The following DOCK5 variants were observed in gnomAD, a reference collection of about 807,000 sequenced individuals.
DOCK5 encodes the protein dedicator of cytokinesis 5.
Under a neutral mutation model 251.8 loss-of-function variants are expected in DOCK5, and 142 were observed. That is an observed-to-expected ratio of 0.56 (90% CI 0.49 to 0.65). The LOEUF is 0.65. Ranked by LOEUF, DOCK5 falls within the 30% of genes least tolerant of loss-of-function variation. The probability of loss-of-function intolerance (pLI) is 0.00; values close to 1 mark genes in which losing one functional copy is unlikely to be tolerated. For missense variants in DOCK5, 2,111 were observed against 2,312.3 expected, an observed-to-expected ratio of 0.91 and a Z score of 1.79; for synonymous variants, 842 against 835.5, an observed-to-expected ratio of 1.01 and a Z score of -0.13.
chr8:25,334,261 TG>T, intron 21 of DOCK5, 65 bp downstream of exon 21: 1 of 1,352,782 alleles, frequency 7.4e-7, no homozygotes, highest in Non-Finnish European at 1.1e-6. Flanking sequence ...AGGACTGGAT[TG>T]TTGAGAAACG....
rs1305378066 is a variant in DOCK5 at position 25,243,662 on chromosome 8, T to C, written c.44-12T>C. ...TGCATTCTAATTTCCCTTTTTTATT[T>C]CTCATTTCCAGCGATCTATAACTAC... On this transcript the variant is annotated splice_polypyrimidine_tract_variant and intron_variant, in intron 1 of 51. Coordinates refer to ENST00000276440, the MANE Select transcript of DOCK5 (RefSeq NM_024940.8). 1.9e-6 allele frequency: 3 copies of C among 1,611,512 alleles called. No individual in the cohort carries two copies. The highest frequency in any genetic ancestry group is 2.5e-6 in the Non-Finnish European group (3 of 1,178,762).
chr8:25,184,897 G>A lies in DOCK5; in HGVS notation c.-12G>A. 1 of 1,403,770 alleles carries A rather than the reference G, an allele frequency of 7.1e-7. No individual in the cohort carries two copies. The allele number at this position is 1,403,770 out of a possible 1,614,324, so 87.0% of individuals were successfully genotyped here. ...GCCTTAGTCGCCGCCGCCGCGGGGC[G>A]AGGTCGCCGCCATGGCCCGCTGGAT... is the stretch of plus-strand genomic sequence containing the variant. On this transcript the variant is annotated 5_prime_UTR_variant, in exon 1 of 52. Transcript: ENST00000276440.
At chr8:25,244,823 T>G (rs1296535042) in intron 2 of DOCK5, among the ~76,000 whole-genome samples, 1 of 152,150 alleles carries the variant, frequency 6.6e-6, no homozygotes, top group African/African-American at 2.4e-5. Context: ...AGGGCTGGGG[T>G]TTCACATTAT....
intron 3 of DOCK5, among the ~76,000 whole-genome samples, chr8:25,274,934 G>A (rs1218262491): frequency 2.7e-4 from 41 of 152,134 alleles, no homozygotes. Context: ...TATATGCTTT[G>A]TGGGAAGGAG....
intron 51 of DOCK5, among the ~76,000 whole-genome samples, chr8:25,410,981 GCGCA>G (rs71214572): frequency 4.9e-4 from 64 of 131,100 alleles, no homozygotes; most frequent in African/African-American, 1.8e-3. Flanking sequence ...GTGCGCGCGC[GCGCA>G]CGCACGCACG....
chr8:25,283,988 G>A (rs1484281659), intron 5 of DOCK5, among the ~76,000 whole-genome samples: 1 of 152,186 alleles, frequency 6.6e-6, no homozygotes, highest in African/African-American at 2.4e-5. Flanking sequence ...GGACATTGGA[G>A]TCAGACAGAC....
intron 1 of DOCK5, among the ~76,000 whole-genome samples, chr8:25,214,318 C>G (rs968105031): frequency 2.6e-5 from 4 of 152,108 alleles, no homozygotes; most frequent in African/African-American, 9.7e-5. Flanking sequence ...TCCTCTTTCT[C>G]CTGGATGTTT....
intron 27 of DOCK5, among the ~76,000 whole-genome samples, chr8:25,354,203 G>A (rs1448519757): frequency 6.6e-6 from 1 of 151,968 alleles, no homozygotes; most frequent in Non-Finnish European, 1.5e-5. Flanking sequence ...AGCAGATCAA[G>A]ATGGAAAAAA....
intron 37 of DOCK5, chr8:25,376,369 C>A (rs1054537661): frequency 1.0e-6 from 1 of 984,956 alleles, no homozygotes; most frequent in African/African-American, 1.7e-5. Flanking sequence ...GTATAAGATC[C>A]CATCTTTATT....
At chr8:25,405,835 T>A (rs973730854) in intron 48 of DOCK5, among the ~76,000 whole-genome samples, 3 of 152,026 alleles carry the variant, frequency 2.0e-5, no homozygotes, top group African/African-American at 7.2e-5. Flanking sequence ...TATATTTAAA[T>A]AATATATTGC....
chr8:25,375,787 T>A (rs1800952740), intron 37 of DOCK5: 2 of 985,284 alleles, frequency 2.0e-6, no homozygotes, highest in Non-Finnish European at 2.4e-6. Context: ...TATTTAAGTT[T>A]AGGGCATTAA....
intron 6 of DOCK5, among the ~76,000 whole-genome samples, chr8:25,294,437 G>A (rs987392484): frequency 6.6e-6 from 1 of 152,292 alleles, no homozygotes; most frequent in Non-Finnish European, 1.5e-5. Context: ...CTTTGGTACC[G>A]GGAATGCATG....
At chr8:25,257,266 C>T (rs1427409233) in intron 2 of DOCK5, among the ~76,000 whole-genome samples, 1 of 152,116 alleles carries the variant, frequency 6.6e-6, no homozygotes, top group African/African-American at 2.4e-5. Context: ...TGCCAGGCAT[C>T]GAGCTACGGC....
chr8:25,390,168 G>A lies in DOCK5; in HGVS notation c.4274-38G>A, dbSNP rs373398235. ...GGTGTTTGGTGTCTGACACCTTCACGACCCCAGCCCCTCTCCTTTCCTTAA... is the reference window on the plus strand; with the variant it reads ...GGTGTTTGGTGTCTGACACCTTCACAACCCCAGCCCCTCTCCTTTCCTTAA... On this transcript the variant is annotated intron_variant, in intron 41 of 51. Transcript: ENST00000276440. 2.1e-5 allele frequency: 32 copies of A among 1,537,458 alleles called. No homozygotes were observed. The African/African-American group carries it at 2.6e-4, about 13-fold the overall frequency.
At chr8:25,191,925 AC>A (rs530599333) in intron 1 of DOCK5, among the ~76,000 whole-genome samples, 7,278 of 60,556 alleles carry the variant, frequency 0.12, 340 homozygotes, top group African/African-American at 0.21. Flanking sequence ...CCCTCCCCCC[AC>A]CCCACAACAG....
intron 1 of DOCK5, among the ~76,000 whole-genome samples, chr8:25,222,223 T>C (rs1402946315): frequency 2.0e-5 from 3 of 152,174 alleles, no homozygotes; most frequent in Non-Finnish European, 4.4e-5. Context: ...CTTTCTAGGG[T>C]GGCTATGGAT....
chr8:25,370,412 AGAT>A (rs1225667930), intron 34 of DOCK5, among the ~76,000 whole-genome samples: 1 of 152,218 alleles, frequency 6.6e-6, no homozygotes, highest in Admixed American at 6.5e-5. Flanking sequence ...GAATTACAGG[AGAT>A]GATGTGCTAA....
At chr8:25,309,195 A>G (rs779989874) in intron 12 of DOCK5, among the ~76,000 whole-genome samples, 3 of 151,784 alleles carry the variant, frequency 2.0e-5, no homozygotes, top group Non-Finnish European at 4.4e-5. Flanking sequence ...TTATTTATTT[A>G]TTTATTTTTG....
intron 40 of DOCK5, among the ~76,000 whole-genome samples, chr8:25,383,776 AC>A (rs1801110843): frequency 6.6e-6 from 1 of 151,926 alleles, no homozygotes; most frequent in Admixed American, 6.6e-5. Flanking sequence ...AATTGCTTGA[AC>A]CCAGGAGGTG....
Sources: allele counts gnomAD v4.1 joint callset (sites outside exome capture counted in the v4.1 genomes callset), GRCh38; gene constraint gnomAD v4.1.1; transcripts MANE v1.5; gene names NCBI Gene and HGNC (gene_info 2026-07-23, HGNC 2026-07-21).